CACNA2D3: variants seen among roughly 807,000 people sequenced by gnomAD.
CACNA2D3 encodes voltage-dependent calcium channel subunit alpha-2/delta-3.
In CACNA2D3, 60 loss-of-function variants were observed where a neutral mutation model predicts 160.6. That is an observed-to-expected ratio of 0.37 (90% CI 0.30 to 0.46). The LOEUF (loss-of-function observed/expected upper bound fraction) is 0.46. Ranked by LOEUF, CACNA2D3 falls within the 20% of genes least tolerant of loss-of-function variation. The pLI, the probability that CACNA2D3 is intolerant of heterozygous loss-of-function variation, is 1.00. For missense variants in CACNA2D3, 1,205 were observed against 1,365.0 expected (o/e 0.88, Z 1.85); for synonymous variants, 558 against 492.9 (o/e 1.13, Z -1.75).
At chr3:54,615,016 T>C (rs1698821430) in intron 9 of CACNA2D3, among the ~76,000 whole-genome samples, 1 of 152,250 alleles carries the variant, frequency 6.6e-6, no homozygotes, top group African/African-American at 2.4e-5. Flanking sequence ...CCAATCTTTA[T>C]TTTGAAAACC....
chr3:54,343,038 T>C (rs1023308081), intron 3 of CACNA2D3, among the ~76,000 whole-genome samples: 3 of 152,222 alleles, frequency 2.0e-5, no homozygotes, highest in African/African-American at 4.8e-5. Flanking sequence ...GAAAACAATT[T>C]ACTGTCCTTG....
intron 2 of CACNA2D3, among the ~76,000 whole-genome samples, chr3:54,219,115 C>G (rs950414640): frequency 5.3e-5 from 8 of 152,040 alleles, no homozygotes; most frequent in Non-Finnish European, 8.8e-5. Context: ...ATATGAAAAC[C>G]TCTTATGGCA....
chr3:54,950,496 T>G (rs767562690), intron 27 of CACNA2D3, among the ~76,000 whole-genome samples: 4 of 152,172 alleles, frequency 2.6e-5, no homozygotes, highest in Non-Finnish European at 4.4e-5. Context: ...TGACAATAAT[T>G]ATAATTAAGA....
rs373288778 is a variant in CACNA2D3 at position 54,423,948 on chromosome 3, G to T, written c.381+37174G>T. On this transcript the variant is annotated intron_variant, in intron 4 of 37. Transcript: ENST00000474759. ...ACTCTGTCACTCAGGCTGGAGTGCA[G>T]TGGCGTGATCACGGCTCACTGCAGC... is the stretch of plus-strand genomic sequence containing the variant. 2.5e-4 allele frequency among the ~76,000 whole-genome samples: 38 copies of T among 151,132 alleles called. No homozygotes were observed. The East Asian group carries it at 6.7e-3, about 26-fold the overall frequency.
intron 13 of CACNA2D3, among the ~76,000 whole-genome samples, chr3:54,809,833 C>T (rs1014775974): frequency 6.6e-6 from 1 of 151,828 alleles, no homozygotes; most frequent in Admixed American, 6.6e-5. Flanking sequence ...GAATTCTTAC[C>T]AAGGGCCAGG....
At chr3:54,378,330 T>C (rs983633239) in intron 3 of CACNA2D3, among the ~76,000 whole-genome samples, 1 of 152,182 alleles carries the variant, frequency 6.6e-6, no homozygotes, top group African/African-American at 2.4e-5. Context: ...CAGTTCACAA[T>C]AGAGTTCATG....
At chr3:54,137,888 C>T (rs903245226) in intron 2 of CACNA2D3, among the ~76,000 whole-genome samples, 6 of 152,124 alleles carry the variant, frequency 3.9e-5, no homozygotes, top group Non-Finnish European at 7.3e-5. Flanking sequence ...CTAAATGTTA[C>T]CGGGGTAAAT....
At chr3:54,428,737 C>T (rs890223918) in intron 4 of CACNA2D3, among the ~76,000 whole-genome samples, 2 of 152,180 alleles carry the variant, frequency 1.3e-5, no homozygotes. Context: ...AACCATCTCA[C>T]TCTTTGTGTA....
At position 54,692,932 on chromosome 3, in the gene CACNA2D3, A is replaced by G. The variant is rs527452709; in HGVS notation, c.1167+50691A>G. On this transcript the variant is annotated intron_variant, in intron 11 of 37. Transcript: ENST00000474759. The stretch of plus-strand genomic sequence containing the variant: ...AAAAAGCCATTTAGTTTTTGCTTCC[A>G]CACATGAAATGGCTAACTCTTTTTA... Among the ~76,000 whole-genome samples, 8 of 152,342 alleles carry G rather than the reference A, an allele frequency of 5.3e-5. No individual in the cohort carries two copies. In the South Asian group the frequency reaches 1.7e-3, roughly 32 times the overall value.
chr3:54,532,213 A>C (rs1249055132), intron 5 of CACNA2D3, among the ~76,000 whole-genome samples: 1 of 152,202 alleles, frequency 6.6e-6, no homozygotes, highest in African/African-American at 2.4e-5. Flanking sequence ...TAGAAAGAAA[A>C]ATTGTTCTGC....
At chr3:54,385,005 A>G (rs1218950003) in intron 3 of CACNA2D3, among the ~76,000 whole-genome samples, 1 of 152,060 alleles carries the variant, frequency 6.6e-6, no homozygotes, top group African/African-American at 2.4e-5. Context: ...ACTAGTGTGA[A>G]CCCACCATGC....
chr3:55,033,735 T>A lies in CACNA2D3; in HGVS notation c.2987+15418T>A, dbSNP rs930367031. 5.3e-4 allele frequency among the ~76,000 whole-genome samples: 59 copies of A among 111,300 alleles called. 1 individual carries two copies. In the East Asian group the frequency reaches 0.011, roughly 21 times the overall value. 73.0% of individuals were successfully genotyped at this position (111,300 alleles called of 152,430 possible). Reference sequence around the variant, plus strand: ...TATATATTATATATTAAATATATTTTATATAATATATATTATATTAAATAT... The same window carrying A: ...TATATATTATATATTAAATATATTTAATATAATATATATTATATTAAATAT... On this transcript the variant is annotated intron_variant, in intron 35 of 37. Transcript: ENST00000474759.
chr3:54,758,877 C>T (rs1041257411), intron 12 of CACNA2D3, among the ~76,000 whole-genome samples: 3 of 152,158 alleles, frequency 2.0e-5, no homozygotes, highest in African/African-American at 7.2e-5. Flanking sequence ...GGAAGGAGGA[C>T]CTCACTATTT....
At chr3:54,816,902 C>T (rs1238944165) in intron 14 of CACNA2D3, 32 bp downstream of exon 14, 1 of 1,612,716 alleles carries the variant, frequency 6.2e-7, no homozygotes, top group African/African-American at 1.3e-5. Flanking sequence ...TCCAGTCACC[C>T]CCAGAACTCA....
chr3:54,729,573 G>T (rs1030213836), intron 11 of CACNA2D3, among the ~76,000 whole-genome samples: 2 of 152,220 alleles, frequency 1.3e-5, no homozygotes, highest in Admixed American at 1.3e-4. Flanking sequence ...CGATGAACTA[G>T]CACAGAAATG....
At chr3:55,002,236 G>T (rs188809555) in intron 31 of CACNA2D3, among the ~76,000 whole-genome samples, 1 of 151,936 alleles carries the variant, frequency 6.6e-6, no homozygotes, top group Non-Finnish European at 1.5e-5. Flanking sequence ...TGCATCCATG[G>T]CTATGAGACT....
chr3:55,057,516 G>A (rs1704393996), intron 35 of CACNA2D3, among the ~76,000 whole-genome samples: 2 of 152,176 alleles, frequency 1.3e-5, no homozygotes, highest in African/African-American at 4.8e-5. Flanking sequence ...TTAACAGCCT[G>A]GAGAAATGTG....
chr3:54,164,815 G>C (rs572680882), intron 2 of CACNA2D3, among the ~76,000 whole-genome samples: 4 of 152,290 alleles, frequency 2.6e-5, no homozygotes, highest in South Asian at 4.1e-4. Flanking sequence ...CCCAGTGAGA[G>C]CCCCAGGCCC....
chr3:54,462,905 G>T (rs1020742356), intron 4 of CACNA2D3, among the ~76,000 whole-genome samples: 1 of 149,216 alleles, frequency 6.7e-6, no homozygotes, highest in Non-Finnish European at 1.5e-5. Context: ...ATTTTGCAGC[G>T]GCTGGTACCG....
Sources: allele counts gnomAD v4.1 joint callset (sites outside exome capture counted in the v4.1 genomes callset), GRCh38; gene constraint gnomAD v4.1.1; transcripts MANE v1.5; gene names NCBI Gene and HGNC (gene_info 2026-07-23, HGNC 2026-07-21).